LRRFIP2: variants seen among roughly 807,000 people sequenced by gnomAD.
LRRFIP2 encodes LRR binding FLII interacting protein 2.
Under a neutral mutation model 125.9 loss-of-function variants are expected in LRRFIP2, and 109 were observed. That is an observed-to-expected ratio of 0.87 (90% CI 0.74 to 1.01). The LOEUF (loss-of-function observed/expected upper bound fraction) is 1.01. LRRFIP2 is among the 50% of genes least tolerant of loss of function. The pLI is 0.00. For synonymous variants in LRRFIP2, 291 were observed against 293.1 expected, an observed-to-expected ratio of 0.99 and a Z score of 0.07; for missense variants, 850 against 862.3, an observed-to-expected ratio of 0.99 and a Z score of 0.18.
intron 21 of LRRFIP2, among the ~76,000 whole-genome samples, chr3:37,072,333 T>C (rs2091343940): frequency 6.6e-6 from 1 of 151,734 alleles, no homozygotes; most frequent in African/African-American, 2.4e-5. Context: ...AAACCCCGTC[T>C]CTAATAAAAA....
At position 37,109,668 on chromosome 3, in the gene LRRFIP2, T is replaced by C; in HGVS notation, c.549A>G (p.Thr183=). The C allele has an allele frequency of 6.2e-7, 1 of 1,614,090 alleles. No homozygotes were observed. Among genetic ancestry groups the C allele is most frequent in the Non-Finnish European group, 8.5e-7 (1 of 1,179,966 alleles). ...AAGTACTAACCCTGTCACTCTTATATGTTGCCAGAGGGTCACTGTACAGGG... is the reference window on the plus strand; with the variant it reads ...AAGTACTAACCCTGTCACTCTTATACGTTGCCAGAGGGTCACTGTACAGGG... ...SSSLYSDPLA[T]YKSDRASPTA... is the part of the protein sequence containing the mutation. Residue 183 remains threonine (T), a synonymous_variant, in exon 10 of 28, where the codon ACA becomes ACG. Transcript: ENST00000336686.
intron 1 of LRRFIP2, among the ~76,000 whole-genome samples, chr3:37,166,344 A>C (rs999783672): frequency 3.3e-5 from 5 of 151,992 alleles, no homozygotes; most frequent in Admixed American, 6.6e-5. Context: ...CATAACATAA[A>C]ATAAAATAAA....
Position 37,054,398 on chromosome 3 carries a change from T to C in LRRFIP2, c.2055+13A>G. On this transcript the variant is annotated intron_variant, in intron 27 of 27. Coordinates refer to ENST00000336686, the MANE Select transcript of LRRFIP2 (RefSeq NM_006309.4). ...AGGAATGTATTCTCCAAGAAACATA[T>C]TAAAAGAAGTACCTCTCGTTGTAGC... 1 of 1,593,456 alleles carries C rather than the reference T, an allele frequency of 6.3e-7. No individual in the cohort carries two copies. The highest frequency in any genetic ancestry group is 1.1e-5 in the South Asian group (1 of 90,132).
At chr3:37,100,312 G>A (rs1018631302) in intron 15 of LRRFIP2, among the ~76,000 whole-genome samples, 2 of 149,712 alleles carry the variant, frequency 1.3e-5, no homozygotes, top group Admixed American at 1.3e-4. Context: ...GAGACAGAGC[G>A]AGACCCTGTC....
intron 13 of LRRFIP2, among the ~76,000 whole-genome samples, chr3:37,107,709 G>A (rs896510099): frequency 1.3e-5 from 2 of 152,108 alleles, no homozygotes; most frequent in East Asian, 1.9e-4. Flanking sequence ...GCAAGCAGGT[G>A]AAATGGCTCA....
In LRRFIP2 at chr3:37,108,628, T is replaced by G. The variant is rs992685221; in HGVS notation, c.657+9A>C. 1.9e-6 allele frequency: 3 copies of G among 1,605,230 alleles called. No homozygotes were observed. Among genetic ancestry groups the G allele is most frequent in the Non-Finnish European group, 2.6e-6 (3 of 1,172,798 alleles). ...CTCCTCTTCACCACCTTCCCCTATT[T>G]AGACTTACAGTTCGAGGACCATAAG... is the stretch of plus-strand genomic sequence containing the variant. On this transcript the variant is annotated intron_variant, in intron 12 of 27. Coordinates refer to ENST00000336686, the MANE Select transcript of LRRFIP2 (RefSeq NM_006309.4).
At chr3:37,094,770 A>G (rs2093638856) in intron 17 of LRRFIP2, 22 bp downstream of exon 17, 2 of 1,557,632 alleles carry the variant, frequency 1.3e-6, no homozygotes, top group Non-Finnish European at 1.8e-6. Flanking sequence ...TTTTAAAAAG[A>G]AAACCAAAAA....
intron 9 of LRRFIP2, among the ~76,000 whole-genome samples, chr3:37,110,392 A>T (rs1291799221): frequency 7.9e-5 from 12 of 152,212 alleles, no homozygotes; most frequent in Admixed American, 7.9e-4. Flanking sequence ...AAGAGTACTT[A>T]AGTTGCGTGT....
At position 37,060,463 on chromosome 3, in the gene LRRFIP2, C is replaced by T. The variant is rs1451605079; in HGVS notation, c.1750-1553G>A. Among the ~76,000 whole-genome samples, 1 of 152,060 alleles carries T rather than the reference C, an allele frequency of 6.6e-6. No homozygotes were observed. Among genetic ancestry groups the T allele is most frequent in the East Asian group, 1.9e-4 (1 of 5,196 alleles). The stretch of plus-strand genomic sequence containing the variant: ...AGCTGGGATTCCAGGTGCATGCCAC[C>T]ACGTCCAATTTTTGTATTTTTAGTA... On this transcript the variant is annotated intron_variant, in intron 24 of 27. Transcript: ENST00000336686. This position sits in a 1 kb window ranked among gnomAD's most constrained non-coding sequence, Gnocchi z 4.1.
At chr3:37,123,170 TTTGTTGTTGTTG>T (rs113012823) in intron 4 of LRRFIP2, among the ~76,000 whole-genome samples, 6 of 150,948 alleles carry the variant, frequency 4.0e-5, no homozygotes, top group Admixed American at 6.6e-5. Context: ...CTGATTTACA[TTTGTTGTTGTTG>T]TTGTTGTTGT....
At chr3:37,165,795 G>GAAAAAAAGAAAGAAAGAA (rs1469041806) in intron 1 of LRRFIP2, among the ~76,000 whole-genome samples, 1 of 17,998 alleles carries the variant, frequency 5.6e-5, no homozygotes, top group African/African-American at 1.8e-4. Context: ...GAGAAAGAAA[G>GAAAAAAAGAAAGAAAGAA]AGAAAGAAAG....
intron 18 of LRRFIP2, among the ~76,000 whole-genome samples, chr3:37,084,771 T>G (rs982165047): frequency 2.0e-5 from 3 of 152,164 alleles, no homozygotes; most frequent in African/African-American, 7.2e-5. Context: ...ATCTCAAAAT[T>G]TTCTGCCTAA....
At chr3:37,103,201 T>G (rs562227749) in intron 14 of LRRFIP2, among the ~76,000 whole-genome samples, 188 bp from the exon 15 acceptor site, 2 of 152,256 alleles carry the variant, frequency 1.3e-5, no homozygotes, top group Admixed American at 1.3e-4. Context: ...GGTTCCTAAA[T>G]GAAATCACAG....
At chr3:37,135,577 G>A (rs866761692) in intron 2 of LRRFIP2, among the ~76,000 whole-genome samples, 1 of 151,934 alleles carries the variant, frequency 6.6e-6, no homozygotes, top group Non-Finnish European at 1.5e-5. Flanking sequence ...TTTGGAATTT[G>A]AGAAAAGTAG....
intron 2 of LRRFIP2, among the ~76,000 whole-genome samples, chr3:37,147,859 C>G (rs192438010): frequency 1.3e-5 from 2 of 152,188 alleles, no homozygotes; most frequent in South Asian, 4.1e-4. Flanking sequence ...TTCCAATATA[C>G]GGCAGGAAAT....
chr3:37,165,152 G>A (rs996992702), intron 1 of LRRFIP2, among the ~76,000 whole-genome samples: 4 of 150,818 alleles, frequency 2.7e-5, no homozygotes, highest in Admixed American at 1.3e-4. Flanking sequence ...GGAGAATGGC[G>A]TGAACCTGGG....
At chr3:37,105,092 A>G (rs2094252319) in intron 14 of LRRFIP2, among the ~76,000 whole-genome samples, 1 of 152,244 alleles carries the variant, frequency 6.6e-6, no homozygotes, top group African/African-American at 2.4e-5. Context: ...ATGATTTGTA[A>G]TCCATAGTTA....
rs572315024 is a variant in LRRFIP2 at position 37,107,159 on chromosome 3, CCAAAGTGCTGGGATT to C, written c.714+899_714+913del. Among the ~76,000 whole-genome samples, 439 of 152,226 alleles carry C rather than the reference CCAAAGTGCTGGGATT, an allele frequency of 2.9e-3. 2 individuals are homozygous for C. The highest frequency in any genetic ancestry group is 0.02 in the Middle Eastern group (6 of 294). ...TCTCAGGTAATGTGCCCTCGGCCTCCCAAAGTGCTGGGATTACAGGCGTGAGCCACCATGCCCGGA... is the reference window on the plus strand; with the variant it reads ...TCTCAGGTAATGTGCCCTCGGCCTCCACAGGCGTGAGCCACCATGCCCGGA... On this transcript the variant is annotated intron_variant, in intron 13 of 27. Transcript: ENST00000336686.
chr3:37,094,993 G>A (rs2093650517), intron 16 of LRRFIP2, 85 bp from the exon 17 acceptor site: 1 of 848,770 alleles, frequency 1.2e-6, no homozygotes, highest in Non-Finnish European at 2.0e-6. Flanking sequence ...CAGGGTGGTT[G>A]GGGGAAGATG....
Sources: gnomAD v4.1 joint callset for allele counts (sites outside exome capture counted in the v4.1 genomes callset) on GRCh38, gnomAD v4.1.1 for gene constraint, Gnocchi (gnomAD v3.1) non-coding constraint, MANE v1.5 for transcripts, NCBI Gene and HGNC (gene_info 2026-07-23, HGNC 2026-07-21) for gene names.